SLC19A3: variants seen among roughly 807,000 people sequenced by gnomAD.
SLC19A3 encodes the protein thiamine transporter 2.
A neutral mutation model predicts 40.2 loss-of-function variants in SLC19A3; 31 were observed. The ratio of observed to expected loss-of-function variants is 0.77; its 90% CI spans 0.58 to 1.04. The LOEUF (loss-of-function observed/expected upper bound fraction) is 1.04. SLC19A3 is among the 50% of genes least tolerant of loss of function. SLC19A3 has a pLI of 0.00. For missense variants in SLC19A3, 592 were observed against 596.7 expected (o/e 0.99, Z 0.08); for synonymous variants, 212 against 227.5 (o/e 0.93, Z 0.61).
At chr2:227,717,527 AG>A (rs1322426633) in intron 1 of SLC19A3, among the ~76,000 whole-genome samples, 2 of 152,144 alleles carry the variant, frequency 1.3e-5, no homozygotes, top group African/African-American at 4.8e-5. Context: ...TTCCCAAAAA[AG>A]CCCCTGCTCT....
intron 1 of SLC19A3, among the ~76,000 whole-genome samples, chr2:227,715,975 A>AAT (rs1696322369): frequency 7.1e-6 from 1 of 141,166 alleles, no homozygotes; most frequent in Non-Finnish European, 1.6e-5. Context: ...AAAAAAAAAA[A>AAT]TTTCAAAAAC....
chr2:227,701,199 C>T (rs1574563728), intron 2 of SLC19A3: 1 of 836,840 alleles, frequency 1.2e-6, no homozygotes, highest in Non-Finnish European at 1.7e-6. Context: ...CCACCCGAGG[C>T]ACCCATCAGC....
At chr2:227,688,368 G>C in intron 4 of SLC19A3, 61 bp from the exon 5 acceptor site, 2 of 1,538,316 alleles carry the variant, frequency 1.3e-6, no homozygotes, top group South Asian at 2.3e-5. Context: ...GTCTTAAAAA[G>C]ATAGAACATA....
chr2:227,691,049 T>G (rs775161466), intron 4 of SLC19A3, among the ~76,000 whole-genome samples: 2 of 152,014 alleles, frequency 1.3e-5, no homozygotes, highest in African/African-American at 4.8e-5. Flanking sequence ...ATTCAAAAAT[T>G]TGAAATAATT....
intron 2 of SLC19A3, among the ~76,000 whole-genome samples, chr2:227,700,744 C>A (rs553926596): frequency 6.6e-6 from 1 of 152,206 alleles, no homozygotes; most frequent in East Asian, 1.9e-4. Flanking sequence ...TCCCCCTGCT[C>A]CCCCTAACAA....
chr2:227,709,651 A>G (rs879285727), intron 1 of SLC19A3, among the ~76,000 whole-genome samples: 2 of 152,156 alleles, frequency 1.3e-5, no homozygotes, highest in Admixed American at 1.3e-4. Flanking sequence ...CAAAGCACTC[A>G]GAGCTGTGGG....
At position 227,699,104 on chromosome 2, in the gene SLC19A3, C is replaced by G; in HGVS notation, c.611G>C (p.Ser204Thr). The G allele has an allele frequency of 2.5e-6, 4 of 1,614,154 alleles. No homozygotes were observed. The highest frequency in any genetic ancestry group is 3.4e-6 in the Non-Finnish European group (4 of 1,180,036). The change falls in exon 3 of 6, where the codon AGC (serine) becomes ACC (threonine). Residue 204 changes from serine (S) to threonine (T), a missense_variant. Ser to Thr is a moderately conservative substitution (Grantham distance 58). Transcript: ENST00000644224. ...KKSMFFHAKP[S>T]REIKKSSSVN... ...GCTTGATGACTTCTTTATTTCTCTG[C>G]TGGGTTTTGCATGAAAAAACATGCT...
At chr2:227,702,544 C>T (rs68136760) in intron 1 of SLC19A3, 2 of 520,274 alleles carry the variant, frequency 3.8e-6, no homozygotes. Context: ...CAGGTGCCTG[C>T]CACCATGACT....
intron 5 of SLC19A3, among the ~76,000 whole-genome samples, chr2:227,687,940 T>C (rs577165769): frequency 2.6e-4 from 40 of 152,332 alleles, no homozygotes; most frequent in Non-Finnish European, 3.8e-4. Context: ...TCTCCAAGAA[T>C]AAATTTAAGC....
intron 1 of SLC19A3, among the ~76,000 whole-genome samples, chr2:227,713,275 T>C (rs539790153): frequency 6.6e-6 from 1 of 151,724 alleles, no homozygotes; most frequent in South Asian, 2.1e-4. Flanking sequence ...TGGTGGTATA[T>C]GCCTGTAGTC....
chr2:227,688,200 T>C lies in SLC19A3; in HGVS notation c.1280A>G (p.Asp427Gly), dbSNP rs1287180895. 19 of 1,613,982 alleles carry C rather than the reference T, an allele frequency of 1.2e-5. No individual in the cohort carries two copies. The highest frequency in any genetic ancestry group is 1.4e-5 in the Non-Finnish European group (16 of 1,179,984). The change falls in exon 5 of 6, where the codon GAT becomes GGT. Residue 427 changes from aspartate to glycine, a missense_variant. Physicochemically the swap from Asp to Gly is moderately conservative, Grantham distance 94. Coordinates refer to ENST00000644224, the MANE Select transcript of SLC19A3 (RefSeq NM_025243.4). ...IQTIMTVIVV[D>G]QRGLNLPVSI... ...GACTGGCAAGTTGAGCCCTCTCTGA[T>C]CTACTACAATCACAGTCATGATGGT...
intron 1 of SLC19A3, chr2:227,706,482 T>G: frequency 8.2e-7 from 1 of 1,224,074 alleles, no homozygotes; most frequent in Non-Finnish European, 1.0e-6. Flanking sequence ...GATTAAAAAT[T>G]TTAAAAGGCT....
intron 1 of SLC19A3, among the ~76,000 whole-genome samples, chr2:227,710,940 C>A (rs1696114937): frequency 6.6e-6 from 1 of 152,152 alleles, no homozygotes; most frequent in African/African-American, 2.4e-5. Context: ...TCAGAGCAGA[C>A]AAACTAATTA....
At chr2:227,716,989 A>C (rs1394051649) in intron 1 of SLC19A3, among the ~76,000 whole-genome samples, 1 of 126,602 alleles carries the variant, frequency 7.9e-6, no homozygotes, top group Non-Finnish European at 1.6e-5. Flanking sequence ...AACACATGAG[A>C]GTGCTTTTTT....
chr2:227,703,988 A>AC lies in SLC19A3; in HGVS notation c.-2-1669_-2-1668insG, dbSNP rs1320800556. Among the ~76,000 whole-genome samples the AC allele has an allele frequency of 3.3e-5, 5 of 151,088 alleles. No individual in the cohort carries two copies. The East Asian group carries it at 9.7e-4, about 29-fold the overall frequency. Reference sequence around the variant, plus strand: ...TAGTTGGGATGGTCAAGCAGAAAAAAACCTATAATAAGACATGCCCTACTA... The same window carrying AC: ...TAGTTGGGATGGTCAAGCAGAAAAAACACCTATAATAAGACATGCCCTACTA... On this transcript the variant is annotated intron_variant, in intron 1 of 5. Coordinates refer to ENST00000644224, the MANE Select transcript of SLC19A3 (RefSeq NM_025243.4). This position sits in a 1 kb window ranked among gnomAD's most constrained non-coding sequence, Gnocchi z 4.7.
intron 4 of SLC19A3, among the ~76,000 whole-genome samples, chr2:227,691,275 TTA>T (rs1484441482): frequency 6.6e-6 from 1 of 151,894 alleles, no homozygotes; most frequent in African/African-American, 2.4e-5. Context: ...GAAAGCAGTA[TTA>T]AGAGGGAAGT....
chr2:227,714,433 G>A, intron 1 of SLC19A3: 1 of 985,364 alleles, frequency 1.0e-6, no homozygotes, highest in Non-Finnish European at 1.2e-6. Context: ...TGAGGCAGGA[G>A]GATCCCTTGA....
chr2:227,704,517 T>C (rs1388954210), intron 1 of SLC19A3, among the ~76,000 whole-genome samples: 12 of 152,240 alleles, frequency 7.9e-5, no homozygotes, highest in Admixed American at 7.9e-4. Context: ...CTAAAGGTAG[T>C]AAGATTTGTG....
chr2:227,716,552 C>T (rs1238748181), intron 1 of SLC19A3, among the ~76,000 whole-genome samples: 1 of 152,178 alleles, frequency 6.6e-6, no homozygotes, highest in Non-Finnish European at 1.5e-5. Context: ...TACCCCACAC[C>T]TGAACAGACC....
Sources: gnomAD v4.1 joint callset for allele counts (sites outside exome capture counted in the v4.1 genomes callset) on GRCh38, gnomAD v4.1.1 for gene constraint, Gnocchi (gnomAD v3.1) non-coding constraint, MANE v1.5 for transcripts, NCBI Gene and HGNC (gene_info 2026-07-23, HGNC 2026-07-21) for gene names.